Variants in RANBP1 observed in about 807,000 individuals in gnomAD.
The protein encoded by RANBP1 is ran-specific GTPase-activating protein.
In RANBP1, 16 loss-of-function variants were observed where a neutral mutation model predicts 31.4. The ratio of observed to expected loss-of-function variants is 0.51; its 90% CI spans 0.34 to 0.77. RANBP1 has a LOEUF of 0.77. Ranked by LOEUF, RANBP1 falls within the 30% of genes least tolerant of loss-of-function variation. The probability of loss-of-function intolerance (pLI) is 0.01; values close to 1 mark genes in which losing one functional copy is unlikely to be tolerated. For missense variants in RANBP1, 265 were observed against 362.0 expected (o/e 0.73, Z 2.17); for synonymous variants, 129 against 140.5 (o/e 0.92, Z 0.58).
intron 1 of RANBP1, chr22:20,117,849 G>A (rs756201278): frequency 2.0e-6 from 2 of 1,019,810 alleles, no homozygotes; most frequent in Non-Finnish European, 1.2e-6. Context: ...TGCGGAGTTG[G>A]GGCGTTTGGG....
intron 2 of RANBP1, among the ~76,000 whole-genome samples, chr22:20,121,827 C>T (rs1477638286): frequency 1.4e-5 from 2 of 138,714 alleles, no homozygotes; most frequent in African/African-American, 2.7e-5. Flanking sequence ...TATCCTCTGC[C>T]TCCTGGGCTC....
intron 1 of RANBP1, chr22:20,116,665 G>A: frequency 1.3e-6 from 2 of 1,504,958 alleles, no homozygotes; most frequent in South Asian, 1.3e-5. Context: ...TGGGGGCCTG[G>A]CCCCCCAAGC....
intron 5 of RANBP1, 44 bp downstream of exon 5, chr22:20,126,412 T>A: frequency 1.9e-6 from 3 of 1,613,610 alleles, no homozygotes; most frequent in Non-Finnish European, 2.5e-6. Flanking sequence ...GCAGACTCAC[T>A]CTGCATCTGA....
At chr22:20,121,155 G>A (rs2050161163) in intron 2 of RANBP1, among the ~76,000 whole-genome samples, 1 of 152,034 alleles carries the variant, frequency 6.6e-6, no homozygotes, top group Admixed American at 6.5e-5. Flanking sequence ...GGGTTTCACC[G>A]AGTTAGTCAG....
chr22:20,120,990 G>T (rs1339494923), intron 2 of RANBP1, among the ~76,000 whole-genome samples: 1 of 152,236 alleles, frequency 6.6e-6, no homozygotes, highest in Non-Finnish European at 1.5e-5. Flanking sequence ...GTCTTGCTCT[G>T]TTGCCCAGGC....
At chr22:20,117,598 G>A in intron 1 of RANBP1, 1 of 1,392,744 alleles carries the variant, frequency 7.2e-7, no homozygotes, top group Non-Finnish European at 9.3e-7. Context: ...CCGAGAGGCC[G>A]CGGAGCCAGC....
chr22:20,118,121 G>A, intron 1 of RANBP1: 1 of 1,000,692 alleles, frequency 1.0e-6, no homozygotes, highest in Non-Finnish European at 1.2e-6. Flanking sequence ...GCGTTCCAGC[G>A]TGGGGCACAG....
chr22:20,118,917 T>C (rs2050113966), intron 1 of RANBP1, 96 bp from the exon 2 acceptor site: 1 of 1,311,950 alleles, frequency 7.6e-7, no homozygotes, highest in Non-Finnish European at 1.1e-6. Context: ...TGAAGTCCCT[T>C]CATTGTCGGA....
chr22:20,126,078 G>A (rs1447885385), intron 4 of RANBP1, among the ~76,000 whole-genome samples: 1 of 152,254 alleles, frequency 6.6e-6, no homozygotes, highest in Non-Finnish European at 1.5e-5. Flanking sequence ...AGAGGCCCAT[G>A]CCCCTTGGTT....
chr22:20,116,396 G>C lies in RANBP1; in HGVS notation c.212G>C (p.Gly71Ala). 6.2e-7 allele frequency: 1 copy of C among 1,611,836 alleles called. No homozygotes were observed. The highest frequency in any genetic ancestry group is 1.1e-5 in the South Asian group (1 of 91,072). The change falls in exon 1 of 6, where the codon GGC (glycine) becomes GCC (alanine). Residue 71 changes from glycine to alanine, a missense_variant. Gly to Ala is a moderately conservative substitution (Grantham distance 60). Transcript: ENST00000430524. ...RRTSLKLAWR[G>A]TFCSSSLKIS... The stretch of plus-strand genomic sequence containing the variant: ...ACGTCGCTGAAGCTGGCGTGGCGAG[G>C]CACGTTCTGCAGCTCCAGTTTAAAG...
Position 20,126,428 on chromosome 22 carries a change from C to T in RANBP1, c.736+60C>T, listed in dbSNP as rs2050299518. On this transcript the variant is annotated intron_variant, in intron 5 of 5. Coordinates refer to ENST00000430524, the MANE Select transcript of RANBP1 (RefSeq NM_001278639.2). ...CAGACTCACTCTGCATCTGACTATA[C>T]TTCCAGGCGGGTGCTTTTTCTGTCT... 7.4e-6 allele frequency: 12 copies of T among 1,612,702 alleles called. No homozygotes were observed. In the East Asian group the frequency reaches 2.5e-4, roughly 33 times the overall value.
intron 2 of RANBP1, chr22:20,119,483 G>T (rs1489517702): frequency 3.6e-6 from 1 of 276,686 alleles, no homozygotes; most frequent in Admixed American, 5.0e-5. Context: ...TTGCAGCATA[G>T]ACTTCTTTGG....
At chr22:20,122,171 G>A (rs1441568565) in intron 2 of RANBP1, 93 bp from the exon 3 acceptor site, 3 of 1,420,712 alleles carry the variant, frequency 2.1e-6, no homozygotes, top group Non-Finnish European at 2.9e-6. Flanking sequence ...GAGGCATGGG[G>A]TCCTGCAGTG....
chr22:20,121,774 A>G (rs1006029033), intron 2 of RANBP1, among the ~76,000 whole-genome samples: 2 of 151,924 alleles, frequency 1.3e-5, no homozygotes, highest in African/African-American at 4.8e-5. Flanking sequence ...CACTGAGGGA[A>G]ATATTGTGAC....
intron 2 of RANBP1, among the ~76,000 whole-genome samples, chr22:20,122,028 C>T (rs754316069): frequency 1.1e-4 from 16 of 152,170 alleles, no homozygotes; most frequent in Non-Finnish European, 2.1e-4. Flanking sequence ...TGAGCCACCG[C>T]GCCCGGTCGT....
chr22:20,116,908 G>A, intron 1 of RANBP1: 1 of 1,597,594 alleles, frequency 6.3e-7, no homozygotes, highest in Non-Finnish European at 8.5e-7. Flanking sequence ...CTCACTCATC[G>A]CCCAGGCGGT....
At chr22:20,122,565 A>G in intron 3 of RANBP1, 144 bp downstream of exon 3, 1 of 1,550,744 alleles carries the variant, frequency 6.4e-7, no homozygotes, top group Non-Finnish European at 8.7e-7. Flanking sequence ...TTAAAACCAG[A>G]AATACGTTTT....
At chr22:20,122,606 C>T (rs1209293046) in intron 3 of RANBP1, 185 bp downstream of exon 3, 14 of 1,528,496 alleles carry the variant, frequency 9.2e-6, no homozygotes, top group Admixed American at 2.0e-5. Context: ...AGAGCAGGCC[C>T]GCAGCGAAGC....
At chr22:20,121,412 G>T (rs1014812764) in intron 2 of RANBP1, among the ~76,000 whole-genome samples, 1 of 152,052 alleles carries the variant, frequency 6.6e-6, no homozygotes, top group African/African-American at 2.4e-5. Flanking sequence ...ACCACACCCG[G>T]CTAATTTTGT....
Sources: allele counts gnomAD v4.1 joint callset (sites outside exome capture counted in the v4.1 genomes callset), GRCh38; gene constraint gnomAD v4.1.1; transcripts MANE v1.5; gene names NCBI Gene and HGNC (gene_info 2026-07-23, HGNC 2026-07-21).